ANO6: variants seen among roughly 807,000 people sequenced by gnomAD.
The protein encoded by ANO6 is anoctamin-6.
A neutral mutation model predicts 117.5 loss-of-function variants in ANO6; 106 were observed. That is an observed-to-expected ratio of 0.90 (90% CI 0.77 to 1.06). The LOEUF (loss-of-function observed/expected upper bound fraction) is 1.06, where lower values mean the gene tolerates loss of function less well. ANO6 is among the 50% of genes least tolerant of loss of function. The probability of loss-of-function intolerance (pLI) is 0.00; values close to 1 mark genes in which losing one functional copy is unlikely to be tolerated. For missense variants in ANO6, 955 were observed against 1,121.1 expected, an observed-to-expected ratio of 0.85 and a Z score of 2.12; for synonymous variants, 367 against 385.1, an observed-to-expected ratio of 0.95 and a Z score of 0.55.
At chr12:45,329,816 A>G (rs138691521) in intron 2 of ANO6, among the ~76,000 whole-genome samples, 3 of 152,232 alleles carry the variant, frequency 2.0e-5, no homozygotes, top group African/African-American at 7.2e-5. Context: ...GTTGTCACCC[A>G]TAGTATAGTC....
intron 8 of ANO6, among the ~76,000 whole-genome samples, chr12:45,366,936 A>AT (rs2137504896): frequency 6.6e-6 from 1 of 152,186 alleles, no homozygotes; most frequent in African/African-American, 2.4e-5. Context: ...TGTATTTTGT[A>AT]TATTGATTTT....
chr12:45,269,391 C>A (rs909777874), intron 1 of ANO6, among the ~76,000 whole-genome samples: 1 of 152,138 alleles, frequency 6.6e-6, no homozygotes, highest in Non-Finnish European at 1.5e-5. Context: ...CTGCAGAATC[C>A]AGTGTGAAGG....
At chr12:45,293,546 A>C (rs1939176670) in intron 1 of ANO6, among the ~76,000 whole-genome samples, 1 of 151,826 alleles carries the variant, frequency 6.6e-6, no homozygotes, top group Non-Finnish European at 1.5e-5. Flanking sequence ...TGTCCAACTG[A>C]AAAAAATACT....
chr12:45,391,372 A>G (rs966245373), intron 12 of ANO6, among the ~76,000 whole-genome samples: 4 of 152,190 alleles, frequency 2.6e-5, no homozygotes, highest in Non-Finnish European at 5.9e-5. Flanking sequence ...AGCCAGATTC[A>G]AGAATAGCAC....
intron 1 of ANO6, among the ~76,000 whole-genome samples, chr12:45,278,751 T>G (rs761437842): frequency 3.3e-5 from 5 of 152,238 alleles, no homozygotes; most frequent in Non-Finnish European, 7.3e-5. Flanking sequence ...TCTCAGTGTC[T>G]GGGAAGTCTT....
At chr12:45,223,797 T>G (rs1382702231) in intron 1 of ANO6, among the ~76,000 whole-genome samples, 1 of 152,194 alleles carries the variant, frequency 6.6e-6, no homozygotes, top group Admixed American at 6.6e-5. Flanking sequence ...CTCTAAAATG[T>G]AAGCTCCCTG....
intron 1 of ANO6, among the ~76,000 whole-genome samples, chr12:45,227,964 A>G (rs1158027246): frequency 2.0e-5 from 3 of 152,170 alleles, no homozygotes; most frequent in Non-Finnish European, 4.4e-5. Context: ...TGTTGATGCC[A>G]AGAAACTATT....
intron 1 of ANO6, among the ~76,000 whole-genome samples, chr12:45,240,714 C>T (rs1352844917): frequency 6.6e-6 from 1 of 152,020 alleles, no homozygotes; most frequent in East Asian, 1.9e-4. Flanking sequence ...ATGTTTAGTG[C>T]TTCCTTCAGG....
chr12:45,245,648 T>A (rs1218534359), intron 1 of ANO6, among the ~76,000 whole-genome samples: 1 of 152,146 alleles, frequency 6.6e-6, no homozygotes, highest in Non-Finnish European at 1.5e-5. Context: ...TACTTACTGG[T>A]TGTACAACCT....
chr12:45,292,636 C>T, intron 1 of ANO6: 2 of 1,151,676 alleles, frequency 1.7e-6, no homozygotes, highest in Non-Finnish European at 2.1e-6. Context: ...CCAGCTCTTC[C>T]AAAGGACGCA....
chr12:45,216,472 T>G, intron 1 of ANO6, 81 bp downstream of exon 1: 1 of 1,494,164 alleles, frequency 6.7e-7, no homozygotes, highest in Non-Finnish European at 9.1e-7. Flanking sequence ...GGGGGCGCTG[T>G]GCTCTCCGCG....
intron 1 of ANO6, among the ~76,000 whole-genome samples, chr12:45,248,156 C>G (rs962652482): frequency 2.0e-5 from 3 of 152,168 alleles, no homozygotes; most frequent in African/African-American, 7.2e-5. Flanking sequence ...CTTTTCCTGA[C>G]ATGCATGTGT....
intron 1 of ANO6, among the ~76,000 whole-genome samples, chr12:45,248,486 T>G (rs2137181858): frequency 7.1e-6 from 1 of 141,316 alleles, no homozygotes; most frequent in South Asian, 2.2e-4. Context: ...CAGGCTGGAG[T>G]GGAGTGGCAT....
chr12:45,293,998 A>G (rs1478859923), intron 1 of ANO6, among the ~76,000 whole-genome samples: 10 of 152,212 alleles, frequency 6.6e-5, no homozygotes, highest in Non-Finnish European at 1.3e-4. Flanking sequence ...AGTGGAGGCA[A>G]GTAACTTAAC....
At chr12:45,352,721 T>G (rs1941311122) in intron 7 of ANO6, among the ~76,000 whole-genome samples, 1 of 142,166 alleles carries the variant, frequency 7.0e-6, no homozygotes, top group African/African-American at 3.0e-5. Context: ...AGTAAGACCC[T>G]GTCTCCAAAA....
chr12:45,404,383 T>C (rs1388914907), intron 15 of ANO6, among the ~76,000 whole-genome samples: 1 of 152,198 alleles, frequency 6.6e-6, no homozygotes, highest in Non-Finnish European at 1.5e-5. Context: ...GGGAGCTTTT[T>C]GTTTGGGTTT....
intron 15 of ANO6, among the ~76,000 whole-genome samples, chr12:45,403,886 C>G (rs556129728): frequency 6.6e-6 from 1 of 152,138 alleles, no homozygotes; most frequent in Admixed American, 6.5e-5. Flanking sequence ...TTCTTATATC[C>G]TCATATCCTT....
intron 19 of ANO6, among the ~76,000 whole-genome samples, chr12:45,424,345 T>TTTTTTG (rs1565773328): frequency 1.5e-5 from 2 of 131,188 alleles, no homozygotes; most frequent in African/African-American, 5.7e-5. Flanking sequence ...TTTTTTTTTT[T>TTTTTTG]TTTTTTTTTT....
At chr12:45,340,509 T>C (rs558220925) in intron 3 of ANO6, among the ~76,000 whole-genome samples, 2 of 152,284 alleles carry the variant, frequency 1.3e-5, no homozygotes, top group East Asian at 3.9e-4. Context: ...GACTAGCCTT[T>C]TTTGTTTTTT....
Sources: gnomAD v4.1 joint callset for allele counts (sites outside exome capture counted in the v4.1 genomes callset) on GRCh38, gnomAD v4.1.1 for gene constraint, MANE v1.5 for transcripts, NCBI Gene and HGNC (gene_info 2026-07-23, HGNC 2026-07-21) for gene names.